Variants in TSHZ2 observed in about 807,000 individuals in gnomAD.
TSHZ2 encodes the protein teashirt zinc finger homeobox 2.
TSHZ2 carries 21 observed loss-of-function variants against 74.4 expected under a neutral mutation model. The observed-to-expected ratio is 0.28, with a 90% CI of 0.20 to 0.41. TSHZ2 has a LOEUF of 0.41. TSHZ2 is among the 10% of genes least tolerant of loss of function. The pLI is 1.00. For missense variants in TSHZ2, 1,244 were observed against 1,293.5 expected (o/e 0.96, Z 0.59); for synonymous variants, 540 against 515.3 (o/e 1.05, Z -0.65).
chr20:53,225,233 C>T (rs1600752200), intron 1 of TSHZ2, among the ~76,000 whole-genome samples: 3 of 152,318 alleles, frequency 2.0e-5, no homozygotes, highest in Admixed American at 1.3e-4. Context: ...TGAAGGCAGA[C>T]CCACTCTTCT....
chr20:53,009,126 C>G (rs907381985), intron 1 of TSHZ2, among the ~76,000 whole-genome samples: 1 of 151,452 alleles, frequency 6.6e-6, no homozygotes, highest in Non-Finnish European at 1.5e-5. Flanking sequence ...CCCAGGAGTT[C>G]AAGACTAGCC....
chr20:53,140,049 G>A (rs1006576702), intron 1 of TSHZ2, among the ~76,000 whole-genome samples: 7 of 151,950 alleles, frequency 4.6e-5, no homozygotes, highest in Admixed American at 1.3e-4. Context: ...GAGCACCTAC[G>A]CTATGCAAAG....
chr20:53,002,919 TTA>T (rs1380484529), intron 1 of TSHZ2, among the ~76,000 whole-genome samples: 1 of 152,178 alleles, frequency 6.6e-6, no homozygotes, highest in African/African-American at 2.4e-5. Context: ...GGCCTATTGA[TTA>T]TGAGGCTTCA....
At chr20:53,322,064 C>T (rs1211712364) in intron 2 of TSHZ2, among the ~76,000 whole-genome samples, 2 of 152,166 alleles carry the variant, frequency 1.3e-5, no homozygotes, top group Non-Finnish European at 1.5e-5. Context: ...CAGCACCTTG[C>T]CATTCATAGC....
chr20:53,000,646 G>A (rs538208281), intron 1 of TSHZ2, among the ~76,000 whole-genome samples: 1 of 152,258 alleles, frequency 6.6e-6, no homozygotes, highest in African/African-American at 2.4e-5. Flanking sequence ...GATAAACACT[G>A]TTATAGGATC....
chr20:53,280,651 T>C (rs1262148844), intron 2 of TSHZ2, among the ~76,000 whole-genome samples: 4 of 145,022 alleles, frequency 2.8e-5, no homozygotes, highest in African/African-American at 1.1e-4. Flanking sequence ...TTTTGTTTGT[T>C]TGTTTGTTTG....
chr20:53,356,343 G>C (rs1316704316), intron 2 of TSHZ2, among the ~76,000 whole-genome samples: 1 of 152,182 alleles, frequency 6.6e-6, no homozygotes, highest in African/African-American at 2.4e-5. Context: ...ACCAGAGCTT[G>C]AAATCTTAAC....
At chr20:53,149,688 C>A (rs1987629941) in intron 1 of TSHZ2, among the ~76,000 whole-genome samples, 1 of 152,174 alleles carries the variant, frequency 6.6e-6, no homozygotes. Context: ...AGACTTGGTA[C>A]TATACAGGGC....
At chr20:53,001,218 G>GTGTGTGTGTGTGTGTGTGTA (rs1555813583) in intron 1 of TSHZ2, among the ~76,000 whole-genome samples, 11 of 145,250 alleles carry the variant, frequency 7.6e-5, no homozygotes, top group African/African-American at 2.6e-4. Flanking sequence ...GTGTGTGTGT[G>GTGTGTGTGTGTGTGTGTGTA]TGTGTGTGTG....
intron 2 of TSHZ2, among the ~76,000 whole-genome samples, chr20:53,358,721 A>G (rs972003940): frequency 1.3e-5 from 2 of 152,234 alleles, no homozygotes; most frequent in African/African-American, 4.8e-5. Context: ...ATAAAATAAA[A>G]TGGCAAGTTA....
chr20:53,237,963 T>G lies in TSHZ2; in HGVS notation c.41-15536T>G, dbSNP rs113920962. Among the ~76,000 whole-genome samples the G allele has an allele frequency of 5.5e-3, 843 of 152,310 alleles. 3 individuals carry two copies. The highest frequency in any genetic ancestry group is 7.0e-3 in the Non-Finnish European group (477 of 68,018). On this transcript the variant is annotated intron_variant, in intron 1 of 2. Coordinates refer to ENST00000371497, the MANE Select transcript of TSHZ2 (RefSeq NM_173485.6). Reference sequence around the variant, plus strand: ...CATTTTTAAGGCAAATCCACATATATAGACTTGCTCTATGAAAAAATATAC... The same window carrying G: ...CATTTTTAAGGCAAATCCACATATAGAGACTTGCTCTATGAAAAAATATAC...
At chr20:53,199,792 G>T (rs1231571444) in intron 1 of TSHZ2, among the ~76,000 whole-genome samples, 1 of 152,174 alleles carries the variant, frequency 6.6e-6, no homozygotes, top group African/African-American at 2.4e-5. Flanking sequence ...GTATATCGGG[G>T]GCAGGAAGCG....
At chr20:53,320,106 CATT>C (rs1979195735) in intron 2 of TSHZ2, among the ~76,000 whole-genome samples, 1 of 152,202 alleles carries the variant, frequency 6.6e-6, no homozygotes, top group Non-Finnish European at 1.5e-5. Flanking sequence ...CCATCATCAT[CATT>C]ATCATCGTTA....
chr20:53,195,734 T>C (rs1988846824), intron 1 of TSHZ2, among the ~76,000 whole-genome samples: 1 of 152,186 alleles, frequency 6.6e-6, no homozygotes, highest in African/African-American at 2.4e-5. Flanking sequence ...CAAGGATCTT[T>C]TCAAACTTTA....
At chr20:53,091,071 G>T (rs2123261079) in intron 1 of TSHZ2, among the ~76,000 whole-genome samples, 1 of 152,330 alleles carries the variant, frequency 6.6e-6, no homozygotes, top group Admixed American at 6.5e-5. Context: ...GTGGTACACA[G>T]ATAAACTTCC....
intron 2 of TSHZ2, among the ~76,000 whole-genome samples, chr20:53,323,141 T>C (rs1979339436): frequency 6.6e-6 from 1 of 152,240 alleles, no homozygotes; most frequent in Admixed American, 6.5e-5. Context: ...GAGAAGATTC[T>C]TTCCAGCTCT....
At chr20:53,221,209 A>G (rs1200369827) in intron 1 of TSHZ2, among the ~76,000 whole-genome samples, 1 of 135,436 alleles carries the variant, frequency 7.4e-6, no homozygotes, top group African/African-American at 2.5e-5. Flanking sequence ...GTCTTCTGCC[A>G]TGATTGTGAG....
chr20:53,422,495 CCTT>C (rs1983510660), intron 2 of TSHZ2, among the ~76,000 whole-genome samples: 1 of 152,166 alleles, frequency 6.6e-6, no homozygotes, highest in Non-Finnish European at 1.5e-5. Context: ...GTTCTCAACA[CCTT>C]CTCAAGAAGA....
chr20:53,412,283 C>G (rs1228206319), intron 2 of TSHZ2, among the ~76,000 whole-genome samples: 1 of 152,200 alleles, frequency 6.6e-6, no homozygotes, highest in African/African-American at 2.4e-5. Context: ...CTGACAATAG[C>G]TTCAGGATAG....
Sources: allele counts gnomAD v4.1 joint callset (sites outside exome capture counted in the v4.1 genomes callset), GRCh38; gene constraint gnomAD v4.1.1; transcripts MANE v1.5; gene names NCBI Gene and HGNC (gene_info 2026-07-23, HGNC 2026-07-21).